Variants in GGT6 observed in about 807,000 individuals in gnomAD.
GGT6 encodes glutathione hydrolase 6.
In GGT6, 13 loss-of-function variants were observed where a neutral mutation model predicts 17.0. The observed-to-expected ratio is 0.77, with a 90% CI of 0.50 to 1.22. The LOEUF (loss-of-function observed/expected upper bound fraction) is 1.22, where lower values mean the gene tolerates loss of function less well. Ranked by LOEUF, GGT6 falls within the 50% of genes most tolerant of loss-of-function variation. The probability of loss-of-function intolerance (pLI) is 0.00; values close to 1 mark genes in which losing one functional copy is unlikely to be tolerated. For missense variants in GGT6, 628 were observed against 643.7 expected, an observed-to-expected ratio of 0.98 and a Z score of 0.26; for synonymous variants, 305 against 297.9, an observed-to-expected ratio of 1.02 and a Z score of -0.25.
chr17:4,557,718 T>C lies in GGT6; in HGVS notation c.*297A>G. 3.3e-6 allele frequency: 1 copy of C among 298,928 alleles called. No homozygotes were observed. Among genetic ancestry groups the C allele is most frequent in the Non-Finnish European group, 6.2e-6 (1 of 160,096 alleles). The allele number at this position is 298,928 out of a possible 1,614,324, so 18.5% of individuals were successfully genotyped here. ...CTAGCTCTCTGCAGCCTTGAACTCC[T>C]GAGCTCAAGCGAGCTTCCTGCCTCA... is the stretch of plus-strand genomic sequence containing the variant. On this transcript the variant is annotated 3_prime_UTR_variant, in exon 4 of 4. Transcript: ENST00000381550.
At chr17:4,560,352 G>C in intron 1 of GGT6, 30 bp downstream of exon 1, 1 of 1,613,474 alleles carries the variant, frequency 6.2e-7, no homozygotes, top group East Asian at 2.2e-5. Context: ...AGCCTGGGGA[G>C]CCTGGTGCCC....
In GGT6 at chr17:4,558,839, C is replaced by A; in HGVS notation, c.676G>T (p.Ala226Ser). The change falls in exon 4 of 4, where the codon GCA becomes TCA. Residue 226 changes from alanine (A) to serine (S), a missense_variant. Physicochemically the swap from Ala to Ser is moderately conservative, Grantham distance 99 (BLOSUM62 1). Transcript: ENST00000381550. The stretch of plus-strand genomic sequence containing the variant: ...GTGCCCCGAGCCACCAGAGCCCTTG[C>A]CAGGGGTGTGTCCACCAGGAAGCCC... ...QEGFLVDTPL[A>S]RALVARGTEG... The A allele has an allele frequency of 6.5e-7, 1 of 1,547,788 alleles. No individual in the cohort carries two copies. Among genetic ancestry groups the A allele is most frequent in the Non-Finnish European group, 8.7e-7 (1 of 1,145,286 alleles).
At position 4,557,265 on chromosome 17, in the gene GGT6, A is replaced by AG. The variant is rs1437069946; in HGVS notation, c.*749dup. 3.3e-5 allele frequency: 5 copies of AG among 151,696 alleles called. No homozygotes were observed. In the East Asian group the frequency reaches 9.7e-4, roughly 29 times the overall value. The allele number at this position is 151,696 out of a possible 1,614,324, so 9.4% of individuals were successfully genotyped here. A position where few individuals can be genotyped will look rare whatever the true frequency, so the allele number is the denominator to read the frequency against. ...AGAACTCAAGTCTAGGTAACTTAAAAGGCCAGAGGTTGGGGCCTGAGCCAG... is the reference window on the plus strand; with the variant it reads ...AGAACTCAAGTCTAGGTAACTTAAAAGGGCCAGAGGTTGGGGCCTGAGCCAG... On this transcript the variant is annotated 3_prime_UTR_variant, in exon 4 of 4. Transcript: ENST00000381550.
rs978203083 is a variant in GGT6 at position 4,559,003 on chromosome 17, A to C, written c.512T>G (p.Leu171Arg). 7.1e-6 allele frequency: 11 copies of C among 1,544,964 alleles called. No individual in the cohort carries two copies. The highest frequency in any genetic ancestry group is 9.6e-6 in the Non-Finnish European group (11 of 1,146,950). ...HDSSSGNSTA[L>R]TSGPAQTLAP... ...CAGGGTCTGTGCTGGGCCTGATGTCAGGGCCGTGGAATTGCCTGAGGAGCT... is the reference window on the plus strand; with the variant it reads ...CAGGGTCTGTGCTGGGCCTGATGTCCGGGCCGTGGAATTGCCTGAGGAGCT... The change falls in exon 4 of 4, where the codon CTG (leucine) becomes CGG (arginine). Residue 171 changes from leucine to arginine, a missense_variant. By Grantham distance (102) the Leu-to-Arg change is moderately radical. Coordinates refer to ENST00000381550, the MANE Select transcript of GGT6 (RefSeq NM_001288702.2).
Position 4,558,634 on chromosome 17 carries a change from G to C in GGT6, c.881C>G (p.Ser294Trp), listed in dbSNP as rs764779382. ...TTCCAAAGTGGGCCTGGGCACAGCC[G>C]AGGGCACCTCCACCCCCAGGTCTCC... is the stretch of plus-strand genomic sequence containing the variant. ...LAGDLGVEVP[S>W]AVPRPTLEPA... Residue 294 changes from serine to tryptophan, a missense_variant, in exon 4 of 4, where the codon TCG becomes TGG. Transcript: ENST00000381550. 1 of 1,573,856 alleles carries C rather than the reference G, an allele frequency of 6.4e-7. No homozygotes were observed.
chr17:4,558,896 G>A lies in GGT6; in HGVS notation c.619C>T (p.Leu207=), dbSNP rs767956000. 5 of 1,548,624 alleles carry A rather than the reference G, an allele frequency of 3.2e-6. No homozygotes were observed. The highest frequency in any genetic ancestry group is 3.5e-6 in the Non-Finnish European group (4 of 1,145,630). The part of the protein sequence containing the change: ...ARFGRLPWPR[L]LVGPTTLAQE... ...GCCAGCGTGGTGGGGCCCACTAGCA[G>A]GCGTGGCCAGGGCAGGCGGCCGAAG... Residue 207 remains leucine, a synonymous_variant, in exon 4 of 4, where the codon CTG becomes TTG. Transcript: ENST00000381550.
chr17:4,558,057 G>A lies in GGT6; in HGVS notation c.1458C>T (p.Val486=), dbSNP rs1328593956. ...QVAAHTEHAH[V]SSVPHACCPF... The stretch of plus-strand genomic sequence containing the variant: ...GGCAGCAGGCATGGGGGACACTGGA[G>A]ACATGGGCGTGCTCTGTGTGGGCTG... The change falls in exon 4 of 4, where the codon GTC becomes GTT. Residue 486 remains valine, a synonymous_variant. Coordinates refer to ENST00000381550, the MANE Select transcript of GGT6 (RefSeq NM_001288702.2). 2 of 1,575,800 alleles carry A rather than the reference G, an allele frequency of 1.3e-6. No homozygotes were observed. The highest frequency in any genetic ancestry group is 1.7e-5 in the Admixed American group (1 of 57,284).
chr17:4,560,434 C>T lies in GGT6; in HGVS notation c.88G>A (p.Glu30Lys). 6.2e-7 allele frequency: 1 copy of T among 1,610,450 alleles called. No individual in the cohort carries two copies. Among genetic ancestry groups the T allele is most frequent in the Non-Finnish European group, 8.5e-7 (1 of 1,176,986 alleles). ...LESEEEVEEE[E>K]TSEALVLNPR... is the part of the protein sequence containing the mutation. ...TTTAGAACCAGCGCCTCTGATGTCT[C>T]CTCCTCCTCCACTTCCTCCTCCGAC... Residue 30 changes from glutamate to lysine, a missense_variant, in exon 1 of 4, where the codon GAG (glutamate) becomes AAG (lysine). By Grantham distance (56) the Glu-to-Lys change is moderately conservative (BLOSUM62 1). Coordinates refer to ENST00000381550, the MANE Select transcript of GGT6 (RefSeq NM_001288702.2).
At chr17:4,559,240 G>A (rs1441366804) in intron 3 of GGT6, 103 bp downstream of exon 3, 38 of 1,180,470 alleles carry the variant, frequency 3.2e-5, no homozygotes, top group Non-Finnish European at 4.5e-5. Context: ...CCTAAGTCCT[G>A]CTCACTTAGC....
downstream of GGT6, among the ~76,000 whole-genome samples, chr17:4,556,215 CTG>C (rs540510207): frequency 1.1e-3 from 162 of 152,268 alleles, no homozygotes; most frequent in Admixed American, 2.8e-3. Context: ...ATGCTGGCTG[CTG>C]TGTGGGGGAT....
chr17:4,559,794 GA>G, intron 1 of GGT6, 34 bp from the exon 2 acceptor site: 1 of 1,593,574 alleles, frequency 6.3e-7, no homozygotes, highest in Non-Finnish European at 8.6e-7. Flanking sequence ...CCACGGCTGG[GA>G]CAGAGGGATG....
At chr17:4,560,061 GCAGGCCCAGC>G in intron 1 of GGT6, 1 of 569,464 alleles carries the variant, frequency 1.8e-6, no homozygotes, top group Admixed American at 3.1e-5. Flanking sequence ...GGGCTGGGGA[GCAGGCCCAGC>G]CAGGCGTAGT....
Position 4,559,577 on chromosome 17 carries a change from A to G in GGT6, c.324T>C (p.Gly108=), listed in dbSNP as rs1401056084. Residue 108 remains glycine, a synonymous_variant, in exon 2 of 4, where the codon GGT becomes GGC. Transcript: ENST00000381550. ...HSHGPGVYHH[G]AIISPAATCS... is the part of the protein sequence containing the mutation. ...ACTGACCTGCAGGGCTGATGATGGC[A>G]CCGTGGTGGTATACGCCAGGGCCGT... 1 of 1,613,704 alleles carries G rather than the reference A, an allele frequency of 6.2e-7. No individual in the cohort carries two copies. Among genetic ancestry groups the G allele is most frequent in the South Asian group, 1.1e-5 (1 of 91,072 alleles).
Position 4,558,142 on chromosome 17 carries a change from C to T in GGT6, c.1373G>A (p.Gly458Asp). Residue 458 changes from glycine (G) to aspartate (D), a missense_variant, in exon 4 of 4, where the codon GGT becomes GAT. Transcript: ENST00000381550. Reference protein sequence around the residue: ...PPTQAQHQHQGQQEPTEHPST... With the variant: ...PPTQAQHQHQDQQEPTEHPST... ...GGGATGCTCTGTTGGTTCTTGCTGA[C>T]CCTGATGCTGGTGCTGGGCCTGGGT... The T allele has an allele frequency of 6.2e-7, 1 of 1,613,744 alleles. No individual in the cohort carries two copies. Among genetic ancestry groups the T allele is most frequent in the Non-Finnish European group, 8.5e-7 (1 of 1,179,794 alleles).
rs149059426 is a variant in GGT6 at position 4,558,420 on chromosome 17, G to A, written c.1095C>T (p.Ser365=). The A allele has an allele frequency of 2.1e-5, 33 of 1,605,770 alleles. No homozygotes were observed. Among genetic ancestry groups the A allele is most frequent in the Middle Eastern group, 1.7e-4 (1 of 6,060 alleles). The change falls in exon 4 of 4, where the codon AGC becomes AGT. Residue 365 remains serine, a synonymous_variant. Transcript: ENST00000381550. ...ESSALAAVDS[S]GSVLLLTSSL... ...AGGAGGTGAGAAGGAGCACAGAGCC[G>A]CTGCTGTCCACGGCGGCCAGGGCAC... is the stretch of plus-strand genomic sequence containing the variant.
Position 4,558,914 on chromosome 17 carries a change from G to GGCC in GGT6, c.598_600dup (p.Gly200dup), listed in dbSNP as rs749686557. 7.1e-5 allele frequency: 110 copies of GGCC among 1,548,806 alleles called. No individual in the cohort carries two copies. The East Asian group carries it at 2.5e-3, about 35-fold the overall frequency. ...ACTAGCAGGCGTGGCCAGGGCAGGC[G>GGCC]GCCGAAGCGTGCATGCAGCAGGTGC... is the stretch of plus-strand genomic sequence containing the variant. On this transcript the variant is annotated inframe_insertion, in exon 4 of 4. Coordinates refer to ENST00000381550, the MANE Select transcript of GGT6 (RefSeq NM_001288702.2).
chr17:4,560,027 G>A, intron 1 of GGT6: 6 of 580,854 alleles, frequency 1.0e-5, no homozygotes, highest in Non-Finnish European at 1.8e-5. Context: ...GAGGCCCAGT[G>A]GGGTGTGGCA....
rs781489485 is a variant in GGT6, at chr17:4,559,771, G to T, written c.141-11C>A. On this transcript the variant is annotated splice_polypyrimidine_tract_variant and intron_variant, in intron 1 of 3. Transcript: ENST00000381550. ...CCGCCAGCCTTGTTCCTGCAGAGGGGGGGTGTCCTGAGCCACGGCTGGGAC... is the reference window on the plus strand; with the variant it reads ...CCGCCAGCCTTGTTCCTGCAGAGGGTGGGTGTCCTGAGCCACGGCTGGGAC... The T allele has an allele frequency of 6.2e-6, 10 of 1,608,960 alleles. No homozygotes were observed. Among genetic ancestry groups the T allele is most frequent in the Middle Eastern group, 1.9e-4 (1 of 5,254 alleles).
chr17:4,559,249 G>A (rs1468306402), intron 3 of GGT6, 94 bp downstream of exon 3: 1 of 1,198,724 alleles, frequency 8.3e-7, no homozygotes, highest in Non-Finnish European at 1.2e-6. Flanking sequence ...TGCTCACTTA[G>A]CAGTCTTGAG....
Sources: gnomAD v4.1 joint callset for allele counts (sites outside exome capture counted in the v4.1 genomes callset) on GRCh38, gnomAD v4.1.1 for gene constraint, MANE v1.5 for transcripts, NCBI Gene and HGNC (gene_info 2026-07-23, HGNC 2026-07-21) for gene names.